Variants in UBA3 observed in about 807,000 individuals in gnomAD.
The protein encoded by UBA3 is NEDD8-activating enzyme E1 catalytic subunit.
Under a neutral mutation model 73.5 loss-of-function variants are expected in UBA3, and 26 were observed. That is an observed-to-expected ratio of 0.35 (90% CI 0.26 to 0.49). The LOEUF (loss-of-function observed/expected upper bound fraction) is 0.49, where lower values mean the gene tolerates loss of function less well. Among genes scored for constraint, UBA3 ranks in the 20% least tolerant of loss-of-function variants. The pLI is 0.98. For missense variants in UBA3, 495 were observed against 555.6 expected (o/e 0.89, Z 1.10); for synonymous variants, 217 against 191.2 (o/e 1.13, Z -1.11).
rs2107477101 is a variant in UBA3 at position 69,055,191 on chromosome 3, G to A, written c.*246C>T. ...TTGTATGCTTCCTCCTCTAAAAGAAGCAATACATTTGCTCATAATCTCTCT... is the reference window on the plus strand; with the variant it reads ...TTGTATGCTTCCTCCTCTAAAAGAAACAATACATTTGCTCATAATCTCTCT... On this transcript the variant is annotated 3_prime_UTR_variant, in exon 18 of 18. Transcript: ENST00000361055. 1 of 286,730 alleles carries A rather than the reference G, an allele frequency of 3.5e-6. No homozygotes were observed. Among genetic ancestry groups the A allele is most frequent in the East Asian group, 6.0e-5 (1 of 16,700 alleles). 17.8% of individuals were successfully genotyped at this position (286,730 alleles called of 1,614,324 possible).
At chr3:69,080,205 G>A (rs2092206823) in intron 1 of UBA3, 52 bp from the exon 2 acceptor site, 2 of 1,572,710 alleles carry the variant, frequency 1.3e-6, no homozygotes, top group South Asian at 1.1e-5. Flanking sequence ...ACTGGGCGCC[G>A]CGAGGGGAGG....
intron 1 of UBA3, 85 bp from the exon 2 acceptor site, chr3:69,080,238 G>T: frequency 6.6e-7 from 1 of 1,525,744 alleles, no homozygotes; most frequent in Non-Finnish European, 8.9e-7. Flanking sequence ...CGGGGCGGGG[G>T]GTGTGGGGAC....
chr3:69,062,861 T>C, intron 9 of UBA3, 121 bp downstream of exon 9: 1 of 1,213,310 alleles, frequency 8.2e-7, no homozygotes. Context: ...TTCTTCTTAG[T>C]GTAATTTTTA....
chr3:69,058,381 T>C (rs2091995092), intron 11 of UBA3, among the ~76,000 whole-genome samples: 2 of 152,300 alleles, frequency 1.3e-5, no homozygotes, highest in Admixed American at 6.5e-5. Context: ...GAGGAAACAC[T>C]GTAAGATGTG....
At chr3:69,055,797 C>T (rs1195212028) in intron 17 of UBA3, 54 bp downstream of exon 17, 1 of 1,540,106 alleles carries the variant, frequency 6.5e-7, no homozygotes, top group African/African-American at 1.4e-5. Flanking sequence ...ATTACTTTCA[C>T]CAAAAAGAGA....
At chr3:69,079,991 G>A (rs1202752868) in intron 2 of UBA3, 121 bp downstream of exon 2, 15 of 892,792 alleles carry the variant, frequency 1.7e-5, no homozygotes, top group Non-Finnish European at 2.5e-5. Flanking sequence ...GAGGCAGCGC[G>A]GCCTGCGCTC....
intron 1 of UBA3, 64 bp downstream of exon 1, chr3:69,080,270 C>T (rs1171219796): frequency 3.8e-6 from 6 of 1,586,734 alleles, no homozygotes; most frequent in Non-Finnish European, 4.3e-6. Context: ...GCGGCAACCG[C>T]CCACCGCCGC....
rs772346588 is a variant in UBA3 at position 69,062,962 on chromosome 3, G to A, written c.693+20C>T. On this transcript the variant is annotated intron_variant, in intron 9 of 17. Transcript: ENST00000361055. Reference sequence around the variant, plus strand: ...CATGCCAAGATACTATAAAAGAAATGCAGGTGCTTTTTTGATTACCTGTGG... The same window carrying A: ...CATGCCAAGATACTATAAAAGAAATACAGGTGCTTTTTTGATTACCTGTGG... 6 of 1,612,550 alleles carry A rather than the reference G, an allele frequency of 3.7e-6. 1 individual carries two copies. Among genetic ancestry groups the A allele is most frequent in the Non-Finnish European group, 5.1e-6 (6 of 1,179,274 alleles).
chr3:69,075,818 G>A (rs1044742221), intron 3 of UBA3, among the ~76,000 whole-genome samples: 3 of 151,324 alleles, frequency 2.0e-5, no homozygotes, highest in Admixed American at 6.6e-5. Context: ...TGCAACCTCC[G>A]CCTCCCAGAT....
At chr3:69,055,636 A>G (rs987860738) in intron 17 of UBA3, 111 bp from the exon 18 acceptor site, 13 of 903,924 alleles carry the variant, frequency 1.4e-5, no homozygotes, top group Middle Eastern at 3.4e-4. Context: ...TCAAAATCCA[A>G]TCCTCTTTAA....
At chr3:69,071,494 A>G in intron 5 of UBA3, 41 bp downstream of exon 5, 1 of 1,075,352 alleles carries the variant, frequency 9.3e-7, no homozygotes, top group South Asian at 1.5e-5. Context: ...AATGATTATC[A>G]GAGCTTAAAA....
intron 3 of UBA3, 187 bp downstream of exon 3, chr3:69,077,611 T>C (rs2092178912): frequency 1.7e-6 from 1 of 603,886 alleles, no homozygotes; most frequent in Non-Finnish European, 2.6e-6. Flanking sequence ...ACATGAGAAA[T>C]GTTAAGACTC....
At chr3:69,077,659 CAT>C in intron 3 of UBA3, 137 bp downstream of exon 3, 7 of 897,714 alleles carry the variant, frequency 7.8e-6, no homozygotes, top group South Asian at 2.4e-5. Flanking sequence ...TATTCAATCT[CAT>C]ATTTTAAGAA....
At chr3:69,073,030 T>C (rs905671753) in intron 4 of UBA3, among the ~76,000 whole-genome samples, 2 of 152,192 alleles carry the variant, frequency 1.3e-5, no homozygotes, top group Non-Finnish European at 2.9e-5. Context: ...TCTAGAGGAC[T>C]ATAATAATCT....
intron 11 of UBA3, among the ~76,000 whole-genome samples, chr3:69,059,535 A>T (rs1468453023): frequency 1.3e-5 from 2 of 152,202 alleles, no homozygotes; most frequent in Non-Finnish European, 2.9e-5. Context: ...ATGAGGAGCC[A>T]GCCTGAGGGG....
Position 69,062,067 on chromosome 3 carries a change from G to T in UBA3, c.796+10C>A. The T allele has an allele frequency of 6.4e-7, 1 of 1,559,770 alleles. No homozygotes were observed. Among genetic ancestry groups the T allele is most frequent in the Non-Finnish European group, 8.8e-7 (1 of 1,139,460 alleles). On this transcript the variant is annotated intron_variant, in intron 10 of 17. Coordinates refer to ENST00000361055, the MANE Select transcript of UBA3 (RefSeq NM_003968.4). ...TATGTAATTCTAGATTATTAAATTA[G>T]GTTTATTACCTCCAAAAGGCTGCTC...
intron 5 of UBA3, among the ~76,000 whole-genome samples, chr3:69,070,071 G>C (rs964849117): frequency 1.3e-5 from 2 of 152,146 alleles, no homozygotes; most frequent in Non-Finnish European, 2.9e-5. Flanking sequence ...GGATAGTTTA[G>C]AAGTACTTGC....
At chr3:69,073,636 CTTTTT>C (rs554961674) in intron 4 of UBA3, among the ~76,000 whole-genome samples, 1 of 140,772 alleles carries the variant, frequency 7.1e-6, no homozygotes, top group African/African-American at 2.6e-5. Context: ...ATATTAGTAT[CTTTTT>C]TTTTTTTTTT....
At chr3:69,077,654 A>C in intron 3 of UBA3, 144 bp downstream of exon 3, 1 of 840,834 alleles carries the variant, frequency 1.2e-6, no homozygotes, top group Non-Finnish European at 1.7e-6. Flanking sequence ...GTGAATATTC[A>C]ATCTCATATT....
Sources: allele counts gnomAD v4.1 joint callset (sites outside exome capture counted in the v4.1 genomes callset), GRCh38; gene constraint gnomAD v4.1.1; transcripts MANE v1.5; gene names NCBI Gene and HGNC (gene_info 2026-07-23, HGNC 2026-07-21).